Variants in ACTR8 observed in about 807,000 individuals in gnomAD.
ACTR8 encodes actin related protein 8.
ACTR8 carries 70 observed loss-of-function variants against 84.3 expected under a neutral mutation model. The ratio of observed to expected loss-of-function variants is 0.83; its 90% CI spans 0.68 to 1.01. The LOEUF (loss-of-function observed/expected upper bound fraction) is 1.01, where lower values mean the gene tolerates loss of function less well. Ranked by LOEUF, ACTR8 falls within the 50% of genes least tolerant of loss-of-function variation. The probability of loss-of-function intolerance (pLI) is 0.00; values close to 1 mark genes in which losing one functional copy is unlikely to be tolerated. For synonymous variants in ACTR8, 268 were observed against 275.2 expected, an observed-to-expected ratio of 0.97 and a Z score of 0.26; for missense variants, 672 against 775.4, an observed-to-expected ratio of 0.87 and a Z score of 1.58.
intron 11 of ACTR8, among the ~76,000 whole-genome samples, chr3:53,871,001 G>T (rs1342828914): frequency 2.0e-5 from 3 of 152,176 alleles, no homozygotes; most frequent in African/African-American, 7.2e-5. Flanking sequence ...CCTGCCAGTG[G>T]TAATTTCACA....
In ACTR8 at chr3:53,868,555, A is replaced by G. The variant is rs1699831686; in HGVS notation, c.*164T>C. 27 of 1,108,698 alleles carry G rather than the reference A, an allele frequency of 2.4e-5. No individual in the cohort carries two copies. The highest frequency in any genetic ancestry group is 3.0e-5 in the Non-Finnish European group (24 of 794,646). The allele number at this position is 1,108,698 out of a possible 1,614,324, so 68.7% of individuals were successfully genotyped here. A position where few individuals can be genotyped will look rare whatever the true frequency, so the allele number is the denominator to read the frequency against. ...TGACTAAACTGCTCAAAAGCAGTTT[A>G]TATTTTCAAACCAATGTCATGTCCT... On this transcript the variant is annotated 3_prime_UTR_variant, in exon 13 of 13. Coordinates refer to ENST00000335754, the MANE Select transcript of ACTR8 (RefSeq NM_022899.5).
At chr3:53,872,310 T>G in intron 10 of ACTR8, 74 bp downstream of exon 10, 2 of 1,420,692 alleles carry the variant, frequency 1.4e-6, no homozygotes, top group Non-Finnish European at 1.9e-6. Flanking sequence ...CTGATTACAA[T>G]GGCCTATTAA....
chr3:53,876,215 T>C, intron 6 of ACTR8, 135 bp from the exon 7 acceptor site: 1 of 1,154,070 alleles, frequency 8.7e-7, no homozygotes, highest in Non-Finnish European at 1.2e-6. Flanking sequence ...CCTTTCAGAA[T>C]AAGCATTTAA....
rs561171973 is a variant in ACTR8 at position 53,868,659 on chromosome 3, AAG to A, written c.*58_*59del. The A allele has an allele frequency of 1.4e-4, 223 of 1,588,742 alleles. No homozygotes were observed. In the African/African-American group the frequency reaches 2.5e-3, roughly 18 times the overall value. ...ATAAATTACAATACACATATTCTGTAAGAGTCTTTTATACCAAGAAGCTTGTT... is the reference window on the plus strand; with the variant it reads ...ATAAATTACAATACACATATTCTGTAAGTCTTTTATACCAAGAAGCTTGTT... On this transcript the variant is annotated 3_prime_UTR_variant, in exon 13 of 13. Transcript: ENST00000335754.
intron 2 of ACTR8, among the ~76,000 whole-genome samples, chr3:53,878,702 T>C (rs1261581545): frequency 6.6e-6 from 1 of 152,188 alleles, no homozygotes; most frequent in Non-Finnish European, 1.5e-5. Flanking sequence ...CACAGGCCTG[T>C]GGTCCCAGCT....
chr3:53,869,945 T>A, intron 12 of ACTR8, 37 bp downstream of exon 12: 1 of 1,608,544 alleles, frequency 6.2e-7, no homozygotes, highest in Middle Eastern at 1.7e-4. Context: ...CTGGTTTCAT[T>A]TGCATACAGT....
At chr3:53,881,911 C>A in intron 1 of ACTR8, 68 bp downstream of exon 1, 2 of 1,547,958 alleles carry the variant, frequency 1.3e-6, no homozygotes, top group South Asian at 2.4e-5. Flanking sequence ...CCCGCCGCCT[C>A]CCGCCCCTTG....
chr3:53,875,914 G>C (rs1177621442), intron 7 of ACTR8, 34 bp downstream of exon 7: 1 of 1,613,242 alleles, frequency 6.2e-7, no homozygotes, highest in East Asian at 2.2e-5. Flanking sequence ...TGAGGGAAGA[G>C]GAAACAGGGA....
chr3:53,861,503 C>T, the ACTR8 span: 4 of 152,256 alleles, frequency 2.6e-5, no homozygotes, highest in African/African-American at 9.6e-5. Flanking sequence ...ACCTTTTAAT[C>T]TTGTATTGAA....
Position 53,882,020 on chromosome 3 carries a change from G to A in ACTR8, c.82C>T (p.Arg28Trp), listed in dbSNP as rs751305501. Residue 28 changes from arginine (R) to tryptophan (W), a missense_variant, in exon 1 of 13, where the codon CGG becomes TGG. Arg to Trp is a moderately radical substitution (Grantham distance 101). Coordinates refer to ENST00000335754, the MANE Select transcript of ACTR8 (RefSeq NM_022899.5). ...EKEKEQRGVK[R>W]PIVPALVPES... ...GGCACCAGCGCGGGCACGATGGGCC[G>A]CTTCACGCCGCGCTGCTCCTTCTCC... 3.9e-6 allele frequency: 6 copies of A among 1,551,916 alleles called. No homozygotes were observed. Among genetic ancestry groups the A allele is most frequent in the Non-Finnish European group, 5.2e-6 (6 of 1,147,012 alleles).
At chr3:53,879,821 A>T in intron 2 of ACTR8, 118 bp downstream of exon 2, 1 of 1,036,288 alleles carries the variant, frequency 9.6e-7, no homozygotes, top group Non-Finnish European at 1.4e-6. Context: ...TGACATTATT[A>T]ATGTTTTAAA....
downstream of ACTR8, chr3:53,865,458 T>TAAC: frequency 1.7e-6 from 1 of 580,584 alleles, no homozygotes; most frequent in Non-Finnish European, 2.9e-6. Flanking sequence ...CAAATATTGC[T>TAAC]AACTAATGTA....
chr3:53,863,476 A>T (rs1318737109), downstream of ACTR8, among the ~76,000 whole-genome samples: 1 of 152,224 alleles, frequency 6.6e-6, no homozygotes, highest in Non-Finnish European at 1.5e-5. Flanking sequence ...TTGTAAATAA[A>T]ATGAGATTAA....
In ACTR8 at chr3:53,870,042, G is replaced by A; in HGVS notation, c.1671C>T (p.Asn557=). Residue 557 remains asparagine (N), a synonymous_variant, in exon 12 of 13, where the codon AAC becomes AAT. Transcript: ENST00000335754. This position sits in a 1 kb window ranked among gnomAD's most constrained non-coding sequence, Gnocchi z 4.1. ...TTCGCCTGAAGGATGGTGGCATTTT[G>A]TTGAGAATTCTGTGCTGCAGAAATT... ...AQEFLQHRIL[N]KMPPSFRRII... 6.2e-7 allele frequency: 1 copy of A among 1,614,170 alleles called. No individual in the cohort carries two copies. Among genetic ancestry groups the A allele is most frequent in the Non-Finnish European group, 8.5e-7 (1 of 1,180,024 alleles).
At chr3:53,874,739 A>G (rs1410559001) in intron 7 of ACTR8, among the ~76,000 whole-genome samples, 1 of 152,052 alleles carries the variant, frequency 6.6e-6, no homozygotes, top group Non-Finnish European at 1.5e-5. Flanking sequence ...AAAAAAAAGA[A>G]ACACAAAAAA....
chr3:53,877,682 T>C lies in ACTR8; in HGVS notation c.475A>G (p.Thr159Ala), dbSNP rs1243218363. The C allele has an allele frequency of 6.2e-7, 1 of 1,614,168 alleles. No individual in the cohort carries two copies. The highest frequency in any genetic ancestry group is 1.7e-5 in the Admixed American group (1 of 60,030). Reference protein sequence around the residue: ...DHCSGNKWTNTSHHPEYLVGE... With the variant: ...DHCSGNKWTNASHHPEYLVGE... ...ACTAAATACTCAGGGTGATGAGATG[T>C]GTTTGTCCACTTATTTCCCGAACAG... The change falls in exon 4 of 13, where the codon ACA (threonine) becomes GCA (alanine). Residue 159 changes from threonine to alanine, a missense_variant. Coordinates refer to ENST00000335754, the MANE Select transcript of ACTR8 (RefSeq NM_022899.5).
intron 7 of ACTR8, 79 bp from the exon 8 acceptor site, chr3:53,874,443 G>A: frequency 6.9e-7 from 1 of 1,459,526 alleles, no homozygotes; most frequent in Non-Finnish European, 9.3e-7. Flanking sequence ...ATCCATTAAT[G>A]GCTGGGCATG....
intron 3 of ACTR8, among the ~76,000 whole-genome samples, 182 bp from the exon 4 acceptor site, chr3:53,877,933 T>C (rs1700001551): frequency 6.6e-6 from 1 of 152,200 alleles, no homozygotes; most frequent in Admixed American, 6.5e-5. Flanking sequence ...TGGGGTTCTT[T>C]TTCCCCCAAT....
the ACTR8 span, chr3:53,861,094 G>A: frequency 6.6e-6 from 1 of 152,172 alleles, no homozygotes; most frequent in Non-Finnish European, 1.5e-5. Flanking sequence ...ACCCTGTGAT[G>A]CTAACCATCT....
Sources: allele counts gnomAD v4.1 joint callset (sites outside exome capture counted in the v4.1 genomes callset), GRCh38; gene constraint gnomAD v4.1.1; non-coding constraint Gnocchi (gnomAD v3.1); transcripts MANE v1.5; gene names NCBI Gene and HGNC (gene_info 2026-07-23, HGNC 2026-07-21).